LRP12: variants seen among roughly 807,000 people sequenced by gnomAD.
LRP12 encodes LDL receptor related protein 12, also known as low-density lipoprotein receptor-related protein 12.
Under a neutral mutation model 66.0 loss-of-function variants are expected in LRP12, and 14 were observed. That is an observed-to-expected ratio of 0.21 (90% CI 0.14 to 0.33). The LOEUF (loss-of-function observed/expected upper bound fraction) is 0.33. LRP12 is among the 10% of genes least tolerant of loss of function. The probability of loss-of-function intolerance (pLI) is 1.00; values close to 1 mark genes in which losing one functional copy is unlikely to be tolerated. For synonymous variants in LRP12, 357 were observed against 359.1 expected (o/e 0.99, Z 0.07); for missense variants, 889 against 1,053.4 (o/e 0.84, Z 2.16).
At chr8:104,533,992 C>A (rs887827460) in intron 1 of LRP12, among the ~76,000 whole-genome samples, 1 of 151,032 alleles carries the variant, frequency 6.6e-6, no homozygotes, top group Non-Finnish European at 1.5e-5. Context: ...TACCCAATCT[C>A]TCTGTGCCTC....
intron 3 of LRP12, chr8:104,506,178 A>G (rs1810903459): frequency 6.6e-6 from 1 of 152,218 alleles, no homozygotes; most frequent in African/African-American, 2.4e-5. Context: ...GTACTTTAAC[A>G]TAATTGGTTC....
intron 1 of LRP12, among the ~76,000 whole-genome samples, chr8:104,534,033 T>C (rs1811362279): frequency 6.8e-6 from 1 of 146,140 alleles, no homozygotes; most frequent in Non-Finnish European, 1.5e-5. Flanking sequence ...AGATAATACC[T>C]ACCTTATAGG....
chr8:104,551,962 TGC>T (rs938151256), intron 1 of LRP12, among the ~76,000 whole-genome samples: 1 of 152,194 alleles, frequency 6.6e-6, no homozygotes, highest in African/African-American at 2.4e-5. Flanking sequence ...AAACATCCTC[TGC>T]ATAATTAACA....
chr8:104,585,926 T>A (rs931580383), intron 1 of LRP12, among the ~76,000 whole-genome samples: 30 of 152,236 alleles, frequency 2.0e-4, no homozygotes, highest in African/African-American at 6.8e-4. Flanking sequence ...CATAGATTTG[T>A]AAAAGCGAGA....
chr8:104,505,232 C>A (rs1473537130), intron 3 of LRP12: 2 of 151,778 alleles, frequency 1.3e-5, no homozygotes, highest in Non-Finnish European at 2.9e-5. Context: ...CTTGCCCAGG[C>A]TGGTGTCGAA....
intron 1 of LRP12, among the ~76,000 whole-genome samples, chr8:104,582,457 A>G (rs759540234): frequency 6.6e-6 from 1 of 152,144 alleles, no homozygotes; most frequent in Non-Finnish European, 1.5e-5. Context: ...TCTTGCCTCT[A>G]CCAAAGACAA....
chr8:104,565,293 G>A (rs1319700725), intron 1 of LRP12, among the ~76,000 whole-genome samples: 1 of 152,030 alleles, frequency 6.6e-6, no homozygotes, highest in African/African-American at 2.4e-5. Context: ...AATAGCAAAC[G>A]GTAATAATGA....
At chr8:104,500,111 T>C (rs1327182956) in intron 3 of LRP12, among the ~76,000 whole-genome samples, 1 of 152,156 alleles carries the variant, frequency 6.6e-6, no homozygotes, top group Admixed American at 6.5e-5. Context: ...TATCTTGTAG[T>C]TAATAAAATG....
chr8:104,505,980 A>T (rs1342439076), intron 3 of LRP12: 2 of 152,184 alleles, frequency 1.3e-5, no homozygotes, highest in African/African-American at 4.8e-5. Context: ...GACAGTATTT[A>T]TAGCACTGGC....
At chr8:104,492,083 A>T (rs1810642484) in intron 6 of LRP12, among the ~76,000 whole-genome samples, 1 of 152,004 alleles carries the variant, frequency 6.6e-6, no homozygotes. Flanking sequence ...TGCTGAATGG[A>T]TACTGAGGAT....
intron 2 of LRP12, among the ~76,000 whole-genome samples, chr8:104,510,480 T>C (rs187988484): frequency 1.6e-4 from 25 of 152,286 alleles, no homozygotes; most frequent in Non-Finnish European, 2.9e-4. Context: ...TGGATTATTC[T>C]TGCACTATCT....
intron 1 of LRP12, among the ~76,000 whole-genome samples, chr8:104,548,938 A>AAAATAAAT (rs558517655): frequency 2.0e-5 from 3 of 151,398 alleles, no homozygotes; most frequent in African/African-American, 4.9e-5. Context: ...AACTCCGTCA[A>AAAATAAAT]AAATAAATAA....
intron 1 of LRP12, among the ~76,000 whole-genome samples, chr8:104,575,924 G>A (rs563514644): frequency 7.9e-4 from 120 of 152,258 alleles, no homozygotes; most frequent in Middle Eastern, 3.4e-3. Context: ...AGAAAAGAAT[G>A]TAACAGACCT....
intron 1 of LRP12, among the ~76,000 whole-genome samples, chr8:104,572,296 G>A (rs368825089): frequency 5.9e-5 from 9 of 152,178 alleles, no homozygotes; most frequent in African/African-American, 1.9e-4. Context: ...AGAGTTTTCT[G>A]GGGGTGATGA....
chr8:104,504,855 T>C (rs1163227364), intron 3 of LRP12: 1 of 152,204 alleles, frequency 6.6e-6, no homozygotes, highest in African/African-American at 2.4e-5. Context: ...TTTTAGGCTA[T>C]GTAATTAAGT....
At chr8:104,539,757 A>C (rs1811446412) in intron 1 of LRP12, among the ~76,000 whole-genome samples, 1 of 152,130 alleles carries the variant, frequency 6.6e-6, no homozygotes, top group Non-Finnish European at 1.5e-5. Context: ...TCTTATAGAT[A>C]ATTCATGTCA....
intron 1 of LRP12, among the ~76,000 whole-genome samples, chr8:104,564,076 A>G (rs755685875): frequency 6.6e-6 from 1 of 152,164 alleles, no homozygotes; most frequent in Non-Finnish European, 1.5e-5. Context: ...ATACTATACT[A>G]TATTGTAACT....
At chr8:104,538,774 A>G (rs1312219889) in intron 1 of LRP12, among the ~76,000 whole-genome samples, 3 of 152,230 alleles carry the variant, frequency 2.0e-5, no homozygotes, top group African/African-American at 7.2e-5. Context: ...CCAATGTGGT[A>G]GCCATTAGCC....
At chr8:104,540,122 G>A (rs950848027) in intron 1 of LRP12, among the ~76,000 whole-genome samples, 6 of 151,554 alleles carry the variant, frequency 4.0e-5, no homozygotes, top group African/African-American at 1.5e-4. Context: ...TATCCAAGAA[G>A]GCTGGTGTCC....
Sources: allele counts gnomAD v4.1 joint callset (sites outside exome capture counted in the v4.1 genomes callset), GRCh38; gene constraint gnomAD v4.1.1; transcripts MANE v1.5; gene names NCBI Gene and HGNC (gene_info 2026-07-23, HGNC 2026-07-21).